The following TSPAN9 variants were observed in gnomAD, a reference collection of about 807,000 sequenced individuals.
TSPAN9 encodes tetraspanin-9.
TSPAN9 carries 16 observed loss-of-function variants against 31.0 expected under a neutral mutation model. The ratio of observed to expected loss-of-function variants is 0.52; its 90% confidence interval spans 0.35 to 0.78. TSPAN9 has a LOEUF of 0.78. Ranked by LOEUF, TSPAN9 falls within the 30% of genes least tolerant of loss-of-function variation. TSPAN9 has a pLI of 0.01. For missense variants in TSPAN9, 272 were observed against 312.5 expected, an observed-to-expected ratio of 0.87 and a Z score of 0.98; for synonymous variants, 145 against 121.6, an observed-to-expected ratio of 1.19 and a Z score of -1.27.
chr12:3,148,286 C>T (rs547033350), intron 2 of TSPAN9, among the ~76,000 whole-genome samples: 1 of 152,212 alleles, frequency 6.6e-6, no homozygotes, highest in African/African-American at 2.4e-5. Context: ...CATTTTGCAG[C>T]AGATAATTGC....
chr12:3,223,707 C>G (rs1672827308), intron 3 of TSPAN9, among the ~76,000 whole-genome samples: 1 of 152,206 alleles, frequency 6.6e-6, no homozygotes, highest in African/African-American at 2.4e-5. Context: ...CCTTATGGAG[C>G]TGGTTCAAGT....
At chr12:3,122,007 T>C (rs2098325346) in intron 2 of TSPAN9, among the ~76,000 whole-genome samples, 1 of 152,130 alleles carries the variant, frequency 6.6e-6, no homozygotes, top group South Asian at 2.1e-4. Flanking sequence ...TTTTTCTGAG[T>C]TCTCCCCTCC....
chr12:3,280,544 T>C lies in TSPAN9; in HGVS notation c.432+61T>C, dbSNP rs943653648. 3 of 1,483,214 alleles carry C rather than the reference T, an allele frequency of 2.0e-6. No homozygotes were observed. The highest frequency in any genetic ancestry group is 1.8e-6 in the Non-Finnish European group (2 of 1,082,838). 91.9% of individuals were successfully genotyped at this position (1,483,214 alleles called of 1,614,324 possible). On this transcript the variant is annotated intron_variant, in intron 6 of 8. Transcript: ENST00000011898. The surrounding 1 kb of genome is among the most constrained non-coding windows in gnomAD (Gnocchi z 4.5). The stretch of plus-strand genomic sequence containing the variant: ...GAGGAGGGGTGGCGGCCGGTACTTC[T>C]AGCTGCCTTCCCCGGTGACCTGGCC...
At chr12:3,272,669 G>T (rs1054832997) in intron 3 of TSPAN9, among the ~76,000 whole-genome samples, 4 of 152,078 alleles carry the variant, frequency 2.6e-5, no homozygotes, top group African/African-American at 9.7e-5. Context: ...CCTGGCGAGG[G>T]GCCGCTCCCA....
intron 3 of TSPAN9, among the ~76,000 whole-genome samples, chr12:3,268,945 T>TGC (rs1862608177): frequency 9.3e-6 from 1 of 107,738 alleles, no homozygotes; most frequent in Non-Finnish European, 1.8e-5. Context: ...GCCCTCTCTG[T>TGC]GTTCCTGCAG....
At chr12:3,140,454 TAG>T (rs1292112680) in intron 2 of TSPAN9, among the ~76,000 whole-genome samples, 2 of 151,920 alleles carry the variant, frequency 1.3e-5, no homozygotes, top group African/African-American at 2.4e-5. Context: ...GGACGGGAAA[TAG>T]AAAGCCTGGC....
intron 2 of TSPAN9, among the ~76,000 whole-genome samples, chr12:3,091,538 A>G (rs10848793): frequency 0.49 from 75,033 of 151,934 alleles, 19,429 homozygotes; most frequent in South Asian, 0.63. Flanking sequence ...TCTCCCCAGC[A>G]CCAATCATTC....
chr12:3,087,564 T>C (rs2098301188), intron 2 of TSPAN9, among the ~76,000 whole-genome samples: 1 of 151,874 alleles, frequency 6.6e-6, no homozygotes, highest in Non-Finnish European at 1.5e-5. Context: ...TGCCAGCGCT[T>C]TGGAAAGCCA....
At chr12:3,229,031 C>T (rs1172019585) in intron 3 of TSPAN9, among the ~76,000 whole-genome samples, 1 of 152,220 alleles carries the variant, frequency 6.6e-6, no homozygotes, top group Admixed American at 6.5e-5. Flanking sequence ...CCCAGGTCAT[C>T]CAGGATGATC....
chr12:3,266,831 C>G (rs1215847138), intron 3 of TSPAN9, among the ~76,000 whole-genome samples: 3 of 152,186 alleles, frequency 2.0e-5, no homozygotes, highest in Non-Finnish European at 4.4e-5. Context: ...GGCACAGGAT[C>G]CCCAGGGAGA....
At chr12:3,224,250 T>C (rs2098386008) in intron 3 of TSPAN9, among the ~76,000 whole-genome samples, 2 of 152,196 alleles carry the variant, frequency 1.3e-5, no homozygotes, top group Non-Finnish European at 1.5e-5. Flanking sequence ...CTGGTTTCCC[T>C]TGGGACCCTT....
chr12:3,159,927 G>A (rs2098344140), intron 2 of TSPAN9, among the ~76,000 whole-genome samples: 1 of 152,126 alleles, frequency 6.6e-6, no homozygotes, highest in African/African-American at 2.4e-5. Context: ...TTTGGTTATG[G>A]CAGTCCTAGC....
intron 2 of TSPAN9, among the ~76,000 whole-genome samples, chr12:3,198,256 TCACCACCAGCACAGGC>T (rs1565610274): frequency 2.0e-5 from 1 of 51,166 alleles, no homozygotes; most frequent in African/African-American, 8.0e-5. Context: ...CCAGCACAGC[TCACCACCAGCACAGGC>T]CACCACCAGC....
intron 1 of TSPAN9, among the ~76,000 whole-genome samples, chr12:3,078,981 CT>C (rs10716001): frequency 0.67 from 86,997 of 129,152 alleles, 28,367 homozygotes; most frequent in African/African-American, 0.79. Context: ...AAATTTGTTA[CT>C]TTTTTTTTTT....
In TSPAN9 at chr12:3,131,994, G is replaced by C. The variant is rs966892885; in HGVS notation, c.-18+48275G>C. 4.6e-5 allele frequency among the ~76,000 whole-genome samples: 7 copies of C among 152,112 alleles called. No homozygotes were observed. The South Asian group carries it at 1.4e-3, about 32-fold the overall frequency. On this transcript the variant is annotated intron_variant, in intron 2 of 8. Transcript: ENST00000011898. Reference sequence around the variant, plus strand: ...TCTATCTGTGGATTTGCCTCTCCTGGACATTTCGTGTAAATAGAATCATAC... The same window carrying C: ...TCTATCTGTGGATTTGCCTCTCCTGCACATTTCGTGTAAATAGAATCATAC...
intron 5 of TSPAN9, among the ~76,000 whole-genome samples, 180 bp downstream of exon 5, chr12:3,279,246 G>A (rs1219177599): frequency 6.6e-6 from 1 of 152,214 alleles, no homozygotes; most frequent in African/African-American, 2.4e-5. Context: ...GGAAGGTTTT[G>A]ATGGGGGCAG....
rs1862936218 is a variant in TSPAN9 at position 3,283,247 on chromosome 12, C to G, written c.*131C>G. On this transcript the variant is annotated 3_prime_UTR_variant, in exon 9 of 9. Transcript: ENST00000011898. ...CCCCCCACAGCCTGCCCTACCCCAC[C>G]TACCCTGCCTCAGCCTCGGACTTCT... 1 of 893,288 alleles carries G rather than the reference C, an allele frequency of 1.1e-6. No individual in the cohort carries two copies. Among genetic ancestry groups the G allele is most frequent in the African/African-American group, 1.7e-5 (1 of 59,244 alleles). 55.3% of individuals were successfully genotyped at this position (893,288 alleles called of 1,614,324 possible). A position where few individuals can be genotyped will look rare whatever the true frequency, so the allele number is the denominator to read the frequency against.
Position 3,123,623 on chromosome 12 carries a change from GTA to G in TSPAN9, c.-18+39906_-18+39907del, listed in dbSNP as rs766661386. Among the ~76,000 whole-genome samples the G allele has an allele frequency of 3.9e-4, 26 of 67,052 alleles. 1 individual carries two copies. The highest frequency in any genetic ancestry group is 1.6e-3 in the East Asian group (3 of 1,880). The allele number at this position is 67,052 out of a possible 152,430, so 44.0% of individuals were successfully genotyped here. A position where few individuals can be genotyped will look rare whatever the true frequency, so the allele number is the denominator to read the frequency against. ...AATTTTTTGGTGGGTTTATTATTATGTATTTTTTTTTTTTGGGAAAAATTATT... is the reference window on the plus strand; with the variant it reads ...AATTTTTTGGTGGGTTTATTATTATGTTTTTTTTTTTTGGGAAAAATTATT... On this transcript the variant is annotated intron_variant, in intron 2 of 8. Transcript: ENST00000011898.
chr12:3,284,148 G>T lies in TSPAN9; in HGVS notation c.*1032G>T, dbSNP rs188198312. 6.5e-6 allele frequency: 1 copy of T among 152,852 alleles called. No individual in the cohort carries two copies. Among genetic ancestry groups the T allele is most frequent in the East Asian group, 1.9e-4 (1 of 5,188 alleles). 9.5% of individuals were successfully genotyped at this position (152,852 alleles called of 1,614,324 possible). On this transcript the variant is annotated 3_prime_UTR_variant, in exon 9 of 9. Transcript: ENST00000011898. Reference sequence around the variant, plus strand: ...CGCGAGGCTTCCCCTTCCACCCCATGTGGGTATTCCCACAACAGGTTCTGC... The same window carrying T: ...CGCGAGGCTTCCCCTTCCACCCCATTTGGGTATTCCCACAACAGGTTCTGC...
Sources: allele counts gnomAD v4.1 joint callset (sites outside exome capture counted in the v4.1 genomes callset), GRCh38; gene constraint gnomAD v4.1.1; non-coding constraint Gnocchi (gnomAD v3.1); transcripts MANE v1.5; gene names NCBI Gene and HGNC (gene_info 2026-07-23, HGNC 2026-07-21).